The following ZNF804B variants were observed in gnomAD, a reference collection of about 807,000 sequenced individuals.
ZNF804B encodes the protein zinc finger protein 804B.
A neutral mutation model predicts 101.4 loss-of-function variants in ZNF804B; 80 were observed. That is an observed-to-expected ratio of 0.79 (90% CI 0.66 to 0.95). ZNF804B has a LOEUF of 0.95. ZNF804B is among the 40% of genes least tolerant of loss of function. The pLI, the probability that ZNF804B is intolerant of heterozygous loss-of-function variation, is 0.00. For synonymous variants in ZNF804B, 622 were observed against 558.8 expected, an observed-to-expected ratio of 1.11 and a Z score of -1.59; for missense variants, 1,673 against 1,561.9, an observed-to-expected ratio of 1.07 and a Z score of -1.20.
At chr7:88,840,224 A>G (rs533417382) in intron 1 of ZNF804B, among the ~76,000 whole-genome samples, 2 of 152,264 alleles carry the variant, frequency 1.3e-5, no homozygotes, top group East Asian at 1.9e-4. Context: ...TGGCAAAGCT[A>G]TGCTCTGACC....
intron 2 of ZNF804B, among the ~76,000 whole-genome samples, chr7:89,282,196 G>A (rs1035536265): frequency 3.2e-3 from 174 of 54,676 alleles, no homozygotes; most frequent in African/African-American, 0.015. Flanking sequence ...GCGAGACTCC[G>A]TCTAAAAAAA....
At chr7:88,801,998 G>T (rs1790598879) in intron 1 of ZNF804B, among the ~76,000 whole-genome samples, 1 of 152,090 alleles carries the variant, frequency 6.6e-6, no homozygotes, top group South Asian at 2.1e-4. Flanking sequence ...GAGGGATCTG[G>T]TGGGAGGTGA....
intron 1 of ZNF804B, among the ~76,000 whole-genome samples, chr7:89,066,014 C>T (rs894618331): frequency 6.6e-6 from 1 of 152,140 alleles, no homozygotes; most frequent in Non-Finnish European, 1.5e-5. Flanking sequence ...CTGCCCACCA[C>T]AACACAATCA....
intron 1 of ZNF804B, among the ~76,000 whole-genome samples, chr7:88,895,453 T>G (rs1166659579): frequency 6.6e-6 from 1 of 152,214 alleles, no homozygotes; most frequent in Non-Finnish European, 1.5e-5. Context: ...TATAGGTATG[T>G]GCTAGTATGC....
At chr7:89,072,041 C>A (rs1169989018) in intron 1 of ZNF804B, among the ~76,000 whole-genome samples, 2 of 152,156 alleles carry the variant, frequency 1.3e-5, no homozygotes, top group Non-Finnish European at 2.9e-5. Context: ...AGAGGCCATT[C>A]TTCAGAGTTT....
At chr7:89,295,345 T>C (rs1790365320) in intron 2 of ZNF804B, among the ~76,000 whole-genome samples, 1 of 152,200 alleles carries the variant, frequency 6.6e-6, no homozygotes, top group South Asian at 2.1e-4. Flanking sequence ...AATTCTGCAG[T>C]GACTCACCTT....
intron 2 of ZNF804B, among the ~76,000 whole-genome samples, chr7:89,305,878 T>A (rs1242555794): frequency 6.6e-6 from 1 of 152,016 alleles, no homozygotes; most frequent in Admixed American, 6.6e-5. Flanking sequence ...GTACTTTTTA[T>A]GGTAGCCATT....
intron 1 of ZNF804B, among the ~76,000 whole-genome samples, chr7:88,909,758 C>T (rs944357895): frequency 3.3e-5 from 5 of 151,304 alleles, no homozygotes; most frequent in Non-Finnish European, 5.9e-5. Flanking sequence ...ATTTCATTTA[C>T]AGGTTTTTTT....
At chr7:89,234,851 T>C (rs545661849) in intron 2 of ZNF804B, among the ~76,000 whole-genome samples, 14 of 152,268 alleles carry the variant, frequency 9.2e-5, no homozygotes, top group Admixed American at 9.2e-4. Flanking sequence ...TCTAAAGCTT[T>C]CAGACTAGGA....
intron 1 of ZNF804B, among the ~76,000 whole-genome samples, chr7:88,816,392 TA>T (rs1331549861): frequency 4.6e-5 from 7 of 152,044 alleles, no homozygotes; most frequent in Non-Finnish European, 8.8e-5. Context: ...GGGATCTAAT[TA>T]AACTAAAGAG....
intron 1 of ZNF804B, among the ~76,000 whole-genome samples, chr7:88,814,258 G>A (rs1302570069): frequency 2.6e-5 from 4 of 152,048 alleles, no homozygotes; most frequent in African/African-American, 4.8e-5. Flanking sequence ...TTAAAAAGGT[G>A]TACATCTGGC....
intron 1 of ZNF804B, among the ~76,000 whole-genome samples, chr7:89,130,944 C>A (rs979285025): frequency 6.6e-6 from 1 of 151,900 alleles, no homozygotes; most frequent in Admixed American, 6.6e-5. Context: ...TTATGAAATT[C>A]TTTTATTAGT....
chr7:88,817,225 C>G (rs1014078664), intron 1 of ZNF804B, among the ~76,000 whole-genome samples: 2 of 151,462 alleles, frequency 1.3e-5, no homozygotes, highest in African/African-American at 2.4e-5. Flanking sequence ...ACAGTGGGGC[C>G]TGTTGTGGGA....
intron 1 of ZNF804B, among the ~76,000 whole-genome samples, chr7:88,826,662 T>C (rs1791055361): frequency 6.6e-6 from 1 of 151,968 alleles, no homozygotes; most frequent in Non-Finnish European, 1.5e-5. Context: ...GCAGTATTTT[T>C]ACTTTTCAAT....
At chr7:89,073,548 T>C (rs1181511727) in intron 1 of ZNF804B, among the ~76,000 whole-genome samples, 2 of 152,202 alleles carry the variant, frequency 1.3e-5, no homozygotes, top group Non-Finnish European at 2.9e-5. Flanking sequence ...TCTTGAAATT[T>C]TGCATTTGAT....
At chr7:89,259,183 C>T (rs999026309) in intron 2 of ZNF804B, among the ~76,000 whole-genome samples, 2 of 152,160 alleles carry the variant, frequency 1.3e-5, no homozygotes, top group African/African-American at 4.8e-5. Flanking sequence ...CATCATCTAG[C>T]TGTGGTTCAG....
intron 1 of ZNF804B, among the ~76,000 whole-genome samples, chr7:89,124,100 T>C (rs764180699): frequency 4.0e-4 from 61 of 152,298 alleles, no homozygotes; most frequent in Middle Eastern, 3.4e-3. Context: ...GGATATGTCA[T>C]GTCCCTCTGG....
intron 1 of ZNF804B, among the ~76,000 whole-genome samples, chr7:89,066,777 T>C (rs1339007212): frequency 6.6e-6 from 1 of 152,076 alleles, no homozygotes; most frequent in Non-Finnish European, 1.5e-5. Flanking sequence ...GTTTTGATTT[T>C]TTGAGACGGA....
Position 88,928,199 on chromosome 7 carries a change from C to G in ZNF804B, c.108+168115C>G, listed in dbSNP as rs183451670. 2.6e-4 allele frequency among the ~76,000 whole-genome samples: 40 copies of G among 152,218 alleles called. No individual in the cohort carries two copies. The East Asian group carries it at 7.5e-3, about 29-fold the overall frequency. On this transcript the variant is annotated intron_variant, in intron 1 of 3. Transcript: ENST00000333190. ...GTTGTCTGTCCTAAAATAATCTACT[C>G]CTGACTTTATTTCTCTTTAGAGCAG...
Sources: gnomAD v4.1 joint callset for allele counts (sites outside exome capture counted in the v4.1 genomes callset) on GRCh38, gnomAD v4.1.1 for gene constraint, MANE v1.5 for transcripts, NCBI Gene and HGNC (gene_info 2026-07-23, HGNC 2026-07-21) for gene names.